Variants in ANO3 observed in about 807,000 individuals in gnomAD.
The protein encoded by ANO3 is anoctamin-3.
A neutral mutation model predicts 144.8 loss-of-function variants in ANO3; 99 were observed. The ratio of observed to expected loss-of-function variants is 0.68; its 90% CI spans 0.58 to 0.81. The LOEUF is 0.81. Among genes scored for constraint, ANO3 ranks in the 30% least tolerant of loss-of-function variants. ANO3 has a pLI of 0.00. For synonymous variants in ANO3, 414 were observed against 392.6 expected (o/e 1.05, Z -0.64); for missense variants, 905 against 1,202.2 (o/e 0.75, Z 3.66).
chr11:26,327,537 A>G (rs192284283), upstream of ANO3, among the ~76,000 whole-genome samples: 2 of 152,294 alleles, frequency 1.3e-5, no homozygotes, highest in Admixed American at 1.3e-4. Flanking sequence ...AAAGCAGACC[A>G]ATAAGGAAGA....
At chr11:26,396,727 G>A (rs2133969151) in intron 1 of ANO3, among the ~76,000 whole-genome samples, 1 of 152,072 alleles carries the variant, frequency 6.6e-6, no homozygotes, top group South Asian at 2.1e-4. Context: ...TCACTTATAA[G>A]TGGAAGTTGA....
At chr11:26,285,964 T>A (rs1037436087) in intron 1 of ANO3, 1 of 152,126 alleles carries the variant, frequency 6.6e-6, no homozygotes, top group East Asian at 1.9e-4. Flanking sequence ...TCCCCGGGGA[T>A]CTTACACACA....
At chr11:26,362,198 A>G (rs556002998) in intron 1 of ANO3, among the ~76,000 whole-genome samples, 1 of 152,284 alleles carries the variant, frequency 6.6e-6, no homozygotes, top group African/African-American at 2.4e-5. Context: ...GCCACAATTA[A>G]TCATTAAAAA....
At chr11:26,371,157 G>A (rs144168326) in intron 1 of ANO3, among the ~76,000 whole-genome samples, 2 of 152,314 alleles carry the variant, frequency 1.3e-5, no homozygotes, top group African/African-American at 4.8e-5. Flanking sequence ...TGCAGTCTCA[G>A]GACATGGTGC....
intron 17 of ANO3, among the ~76,000 whole-genome samples, chr11:26,623,405 C>T (rs1852478106): frequency 6.6e-6 from 1 of 152,182 alleles, no homozygotes; most frequent in South Asian, 2.1e-4. Flanking sequence ...TATGCACATA[C>T]ATATACCCAC....
chr11:26,496,796 T>TC (rs2134116184), intron 4 of ANO3, among the ~76,000 whole-genome samples: 1 of 152,140 alleles, frequency 6.6e-6, no homozygotes, highest in South Asian at 2.1e-4. Flanking sequence ...TGTTTCTGAG[T>TC]CATTTCACTT....
intron 7 of ANO3, among the ~76,000 whole-genome samples, chr11:26,529,954 C>T (rs543194149): frequency 3.9e-5 from 6 of 152,188 alleles, no homozygotes; most frequent in African/African-American, 1.2e-4. Context: ...ATGCTAAACC[C>T]GTTACTCAAA....
rs772412539 is a variant in ANO3, at chr11:26,193,451, A to G, written c.154+4121A>G. Among the ~76,000 whole-genome samples, 125 of 152,200 alleles carry G rather than the reference A, an allele frequency of 8.2e-4. 1 individual carries two copies. The highest frequency in any genetic ancestry group is 8.1e-4 in the Non-Finnish European group (55 of 67,974). Reference sequence around the variant, plus strand: ...CACCACACCTGGCCCAATTTTGCCTATCTTTAGATGACCAATAAACTATCT... The same window carrying G: ...CACCACACCTGGCCCAATTTTGCCTGTCTTTAGATGACCAATAAACTATCT... On this transcript the variant is annotated intron_variant, in intron 1 of 27. Coordinates refer to the ANO3 transcript ENST00000672621.
chr11:26,212,343 C>A (rs2133783895), intron 1 of ANO3, among the ~76,000 whole-genome samples: 1 of 151,356 alleles, frequency 6.6e-6, no homozygotes, highest in South Asian at 2.1e-4. Context: ...ATCAACGAAT[C>A]CAGGAGCTGT....
At chr11:26,634,978 C>T (rs1852904406) in intron 19 of ANO3, 35 bp from the exon 20 acceptor site, 1 of 1,581,904 alleles carries the variant, frequency 6.3e-7, no homozygotes, top group Admixed American at 1.7e-5. Flanking sequence ...GTGAACCCCA[C>T]TTAAATGCTA....
chr11:26,606,597 C>CTT (rs34594509), intron 17 of ANO3, among the ~76,000 whole-genome samples: 41,185 of 147,690 alleles, frequency 0.28, 6,077 homozygotes, highest in South Asian at 0.45. Flanking sequence ...GCAATCCCTG[C>CTT]TTTTTTTTTT....
At chr11:26,572,429 G>A (rs1850865474) in intron 14 of ANO3, among the ~76,000 whole-genome samples, 1 of 151,882 alleles carries the variant, frequency 6.6e-6, no homozygotes, top group Admixed American at 6.6e-5. Flanking sequence ...AAAGGACAAA[G>A]ATTTTGGCAA....
intron 1 of ANO3, among the ~76,000 whole-genome samples, chr11:26,362,101 G>A (rs1005589252): frequency 2.6e-5 from 4 of 152,042 alleles, no homozygotes; most frequent in Non-Finnish European, 4.4e-5. Flanking sequence ...TGATGCCTAC[G>A]CCATAAATTC....
At chr11:26,522,765 T>C (rs556272849) in intron 6 of ANO3, among the ~76,000 whole-genome samples, 9 of 152,038 alleles carry the variant, frequency 5.9e-5, no homozygotes, top group East Asian at 1.9e-4. Flanking sequence ...TCCACAAAGA[T>C]AGAAAAGGAA....
chr11:26,376,233 C>A (rs2133944251), intron 1 of ANO3, among the ~76,000 whole-genome samples: 1 of 152,224 alleles, frequency 6.6e-6, no homozygotes, highest in South Asian at 2.1e-4. Flanking sequence ...AGCCTTCACT[C>A]ACTCCCCACT....
rs973072160 is a variant in ANO3, at chr11:26,623,811, C to T, written c.1837-651C>T. 8.6e-5 allele frequency among the ~76,000 whole-genome samples: 13 copies of T among 151,408 alleles called. 1 individual carries two copies. The highest frequency in any genetic ancestry group is 2.6e-4 in the Admixed American group (4 of 15,222). ...TTTTATTTATTTTTTATTTTTGAGA[C>T]GGAGTCTCACTCTCGCCCAGGCTGG... On this transcript the variant is annotated intron_variant, in intron 17 of 26. Coordinates refer to ENST00000256737, the MANE Select transcript of ANO3 (RefSeq NM_031418.4).
chr11:26,522,444 G>A (rs1406228235), intron 6 of ANO3, among the ~76,000 whole-genome samples: 1 of 152,134 alleles, frequency 6.6e-6, no homozygotes, highest in South Asian at 2.1e-4. Flanking sequence ...CAGTGGTTGA[G>A]ACAATCATTT....
intron 24 of ANO3, among the ~76,000 whole-genome samples, chr11:26,651,301 G>T (rs1853524289): frequency 6.6e-6 from 1 of 152,110 alleles, no homozygotes; most frequent in African/African-American, 2.4e-5. Flanking sequence ...ATTCCGCATT[G>T]CAACTAAACC....
intron 12 of ANO3, 152 bp from the exon 13 acceptor site, chr11:26,553,097 A>G (rs1849979836): frequency 1.7e-6 from 1 of 581,206 alleles, no homozygotes; most frequent in Non-Finnish European, 3.1e-6. Flanking sequence ...GAGTCACACC[A>G]CAGTGCCCAC....
Sources: gnomAD v4.1 joint callset for allele counts (sites outside exome capture counted in the v4.1 genomes callset) on GRCh38, gnomAD v4.1.1 for gene constraint, MANE v1.5 for transcripts, NCBI Gene and HGNC (gene_info 2026-07-23, HGNC 2026-07-21) for gene names.